The following RBFOX1 variants were observed in gnomAD, a reference collection of about 807,000 sequenced individuals.
RBFOX1 encodes RNA binding fox-1 homolog 1, also known as RNA binding protein fox-1 homolog 1.
In RBFOX1, 8 loss-of-function variants were observed where a neutral mutation model predicts 57.7. The ratio of observed to expected loss-of-function variants is 0.14; its 90% CI spans 0.08 to 0.25. The LOEUF (loss-of-function observed/expected upper bound fraction) is 0.25, where lower values mean the gene tolerates loss of function less well. Among genes scored for constraint, RBFOX1 ranks in the 10% least tolerant of loss-of-function variants. The pLI, the probability that RBFOX1 is intolerant of heterozygous loss-of-function variation, is 1.00. For synonymous variants in RBFOX1, 326 were observed against 222.4 expected (o/e 1.47, Z -4.15); for missense variants, 611 against 548.5 (o/e 1.11, Z -1.14).
In RBFOX1 at chr16:6,892,784, C is replaced by G. The variant is rs1262238269; in HGVS notation, c.-15-159273C>G. On this transcript the variant is annotated intron_variant, in intron 3 of 15. Coordinates refer to ENST00000550418, the MANE Select transcript of RBFOX1 (RefSeq NM_018723.4). ...AAAGCCTCCCTGTCTCCCTCTCTCT[C>G]TCTCTCTCTCTCTCTCTCTCTCTCT... Among the ~76,000 whole-genome samples, 7 of 51,752 alleles carry G rather than the reference C, an allele frequency of 1.4e-4. 1 individual carries two copies. Among genetic ancestry groups the G allele is most frequent in the South Asian group, 1.2e-3 (2 of 1,708 alleles). 34.0% of individuals were successfully genotyped at this position (51,752 alleles called of 152,430 possible).
intron 2 of RBFOX1, among the ~76,000 whole-genome samples, chr16:6,463,433 C>T (rs1205667346): frequency 6.6e-6 from 1 of 152,022 alleles, no homozygotes; most frequent in African/African-American, 2.4e-5. Context: ...GACATAGTAA[C>T]GATAAGAATT....
intron 3 of RBFOX1, among the ~76,000 whole-genome samples, chr16:5,621,718 C>A (rs1316307114): frequency 6.6e-6 from 1 of 152,134 alleles, no homozygotes; most frequent in African/African-American, 2.4e-5. Flanking sequence ...TCTCTCCAGG[C>A]AAAAGATGTT....
intron 3 of RBFOX1, among the ~76,000 whole-genome samples, chr16:6,990,395 C>G (rs754409748): frequency 6.6e-6 from 1 of 152,026 alleles, no homozygotes; most frequent in African/African-American, 2.4e-5. Context: ...AGTGGTGGCG[C>G]ATGCCTGTAA....
At chr16:5,632,378 C>T (rs1447650435) in intron 3 of RBFOX1, 4 of 152,124 alleles carry the variant, frequency 2.6e-5, no homozygotes, top group East Asian at 1.9e-4. Flanking sequence ...TTATTTGACC[C>T]CCTTAAGATG....
intron 3 of RBFOX1, among the ~76,000 whole-genome samples, chr16:6,723,320 G>A (rs1231065572): frequency 6.6e-6 from 1 of 152,134 alleles, no homozygotes; most frequent in East Asian, 1.9e-4. Flanking sequence ...CAGAGTGGTC[G>A]TGAGAATTCA....
intron 1 of RBFOX1, among the ~76,000 whole-genome samples, chr16:5,265,638 T>C (rs1596338246): frequency 6.6e-6 from 1 of 151,920 alleles, no homozygotes; most frequent in African/African-American, 2.4e-5. Context: ...GAAGTGTTTG[T>C]TTTTTTTAGA....
chr16:7,026,485 A>T (rs767441978), intron 3 of RBFOX1, among the ~76,000 whole-genome samples: 1 of 151,986 alleles, frequency 6.6e-6, no homozygotes, highest in African/African-American at 2.4e-5. Context: ...CACACTTCCA[A>T]TCTGCCTCTT....
chr16:6,394,799 C>G (rs926456444), intron 2 of RBFOX1, among the ~76,000 whole-genome samples: 1 of 152,040 alleles, frequency 6.6e-6, no homozygotes, highest in Admixed American at 6.6e-5. Context: ...CCCAAGGAGC[C>G]TTAATGACCC....
chr16:5,399,529 AT>A (rs1438263561), intron 1 of RBFOX1, among the ~76,000 whole-genome samples: 5 of 152,104 alleles, frequency 3.3e-5, no homozygotes, highest in African/African-American at 1.2e-4. Flanking sequence ...TCTTTTAAAA[AT>A]TGGATCAATG....
chr16:6,237,768 T>G (rs1021116073), intron 1 of RBFOX1, among the ~76,000 whole-genome samples: 1 of 151,680 alleles, frequency 6.6e-6, no homozygotes, highest in Non-Finnish European at 1.5e-5. Flanking sequence ...AAATTAAAAT[T>G]AAATTAAATG....
At chr16:5,932,184 G>A (rs973877972) in intron 4 of RBFOX1, among the ~76,000 whole-genome samples, 1 of 152,112 alleles carries the variant, frequency 6.6e-6, no homozygotes, top group Admixed American at 6.5e-5. Flanking sequence ...ATTAAAAGCC[G>A]AGAATTTTCT....
chr16:5,346,043 T>G (rs924970039), intron 1 of RBFOX1, among the ~76,000 whole-genome samples: 1 of 152,208 alleles, frequency 6.6e-6, no homozygotes. Context: ...GTGCTGAGAC[T>G]TGGAACCTGA....
intron 3 of RBFOX1, among the ~76,000 whole-genome samples, chr16:6,777,202 T>C (rs1008399810): frequency 1.3e-5 from 2 of 152,190 alleles, no homozygotes; most frequent in Non-Finnish European, 2.9e-5. Context: ...GATAATATGA[T>C]CTAGTACTGT....
At chr16:5,674,993 T>A (rs7499128) in intron 3 of RBFOX1, among the ~76,000 whole-genome samples, 23 of 152,118 alleles carry the variant, frequency 1.5e-4, no homozygotes, top group South Asian at 1.0e-3. Flanking sequence ...CGAAAAATTT[T>A]AAAAAATTAG....
At position 6,412,025 on chromosome 16, in the gene RBFOX1, A is replaced by C. The variant is rs74579029; in HGVS notation, c.-64+94968A>C. 0.016 allele frequency among the ~76,000 whole-genome samples: 2,488 copies of C among 152,008 alleles called. 167 individuals carry two copies. The East Asian group carries it at 0.22, about 14-fold the overall frequency. On this transcript the variant is annotated intron_variant, in intron 2 of 15. Coordinates refer to ENST00000550418, the MANE Select transcript of RBFOX1 (RefSeq NM_018723.4). Reference sequence around the variant, plus strand: ...CAGGCGCCTGTAATCCCAGCCACTCAGGAGGCTGAGGCAGGAAAATTGCTT... The same window carrying C: ...CAGGCGCCTGTAATCCCAGCCACTCCGGAGGCTGAGGCAGGAAAATTGCTT...
chr16:5,280,620 G>T (rs1206183500), intron 1 of RBFOX1, among the ~76,000 whole-genome samples: 4 of 150,168 alleles, frequency 2.7e-5, no homozygotes, highest in African/African-American at 9.8e-5. Flanking sequence ...ATTCATTTTG[G>T]GTCAGTTCAG....
At chr16:6,461,918 C>T (rs1006804765) in intron 2 of RBFOX1, among the ~76,000 whole-genome samples, 1 of 152,056 alleles carries the variant, frequency 6.6e-6, no homozygotes. Flanking sequence ...CCTGTATTAG[C>T]TTTTGGTGGG....
intron 4 of RBFOX1, among the ~76,000 whole-genome samples, chr16:7,077,535 T>C (rs1380078092): frequency 6.6e-6 from 1 of 152,194 alleles, no homozygotes; most frequent in East Asian, 1.9e-4. Context: ...GAAATGCTGG[T>C]ATTTGCAGCC....
chr16:7,450,392 CAA>C (rs57188328), intron 4 of RBFOX1, among the ~76,000 whole-genome samples: 5 of 69,576 alleles, frequency 7.2e-5, no homozygotes, highest in African/African-American at 2.4e-4. Flanking sequence ...GACTCTGTCT[CAA>C]AAAAAAAAAA....
Sources: allele counts gnomAD v4.1 joint callset (sites outside exome capture counted in the v4.1 genomes callset), GRCh38; gene constraint gnomAD v4.1.1; transcripts MANE v1.5; gene names NCBI Gene and HGNC (gene_info 2026-07-23, HGNC 2026-07-21).